Variants in XPO5 observed in about 807,000 individuals in gnomAD.
XPO5 encodes exportin 5, also known as exportin-5.
In XPO5, 46 loss-of-function variants were observed where a neutral mutation model predicts 160.6. The ratio of observed to expected loss-of-function variants is 0.29; its 90% CI spans 0.23 to 0.37. XPO5 has a LOEUF of 0.37. XPO5 is among the 10% of genes least tolerant of loss of function. XPO5 has a pLI of 1.00. For missense variants in XPO5, 1,090 were observed against 1,463.9 expected (o/e 0.74, Z 4.17); for synonymous variants, 537 against 519.3 (o/e 1.03, Z -0.46).
chr6:43,565,647 T>TAAAGATACTC lies in XPO5; in HGVS notation c.911+3_911+12dup, dbSNP rs1762660227. On this transcript the variant is annotated intron_variant, in intron 8 of 31. Coordinates refer to ENST00000265351, the MANE Select transcript of XPO5 (RefSeq NM_020750.3). Reference sequence around the variant, plus strand: ...AGAAATTAGAAAACACACTGAAAAGTAAAGATACTCACTGTGCGGCGGAGA... The same window carrying TAAAGATACTC: ...AGAAATTAGAAAACACACTGAAAAGTAAAGATACTCAAAGATACTCACTGTGCGGCGGAGA... 6.3e-7 allele frequency: 1 copy of TAAAGATACTC among 1,575,110 alleles called. No individual in the cohort carries two copies. The highest frequency in any genetic ancestry group is 1.4e-5 in the African/African-American group (1 of 72,902).
At chr6:43,536,521 A>C (rs990497962) in intron 20 of XPO5, among the ~76,000 whole-genome samples, 2 of 151,438 alleles carry the variant, frequency 1.3e-5, no homozygotes, top group Admixed American at 6.6e-5. Context: ...CACTTTAGGA[A>C]GCCGAGGTGG....
chr6:43,570,226 C>T (rs1319596387), intron 5 of XPO5, among the ~76,000 whole-genome samples: 2 of 145,614 alleles, frequency 1.4e-5, no homozygotes, highest in Admixed American at 7.1e-5. Flanking sequence ...GCAGGAGAAT[C>T]GCTTGAACCT....
chr6:43,551,648 C>T (rs1033766170), intron 14 of XPO5, among the ~76,000 whole-genome samples, 195 bp from the exon 15 acceptor site: 1 of 152,200 alleles, frequency 6.6e-6, no homozygotes, highest in African/African-American at 2.4e-5. Context: ...CCTTAGCCTC[C>T]TGAGTAGCTA....
At chr6:43,546,875 C>T (rs968690212) in intron 19 of XPO5, 123 bp from the exon 20 acceptor site, 2 of 978,664 alleles carry the variant, frequency 2.0e-6, no homozygotes, top group Non-Finnish European at 1.5e-6. Flanking sequence ...TGAAATAATC[C>T]TCTGCTCCCC....
At chr6:43,535,156 G>T (rs1322324992) in intron 20 of XPO5, among the ~76,000 whole-genome samples, 1 of 151,862 alleles carries the variant, frequency 6.6e-6, no homozygotes, top group Non-Finnish European at 1.5e-5. Flanking sequence ...GCCGGACGTG[G>T]TGGTGGGTGC....
chr6:43,524,755 G>T, intron 30 of XPO5, 76 bp downstream of exon 30: 1 of 1,592,656 alleles, frequency 6.3e-7, no homozygotes, highest in Non-Finnish European at 8.6e-7. Context: ...CTGAATTTAG[G>T]ATAAGGCCCA....
At chr6:43,556,028 T>C in intron 12 of XPO5, 64 bp from the exon 13 acceptor site, 3 of 1,584,574 alleles carry the variant, frequency 1.9e-6, no homozygotes, top group Non-Finnish European at 2.6e-6. Context: ...AAGTACTTAA[T>C]GTTTATTAAT....
chr6:43,568,421 A>G (rs1321749212), intron 6 of XPO5, among the ~76,000 whole-genome samples: 1 of 152,006 alleles, frequency 6.6e-6, no homozygotes, highest in East Asian at 1.9e-4. Flanking sequence ...ACACCGGCCT[A>G]GGCAACACAC....
intron 18 of XPO5, 66 bp from the exon 19 acceptor site, chr6:43,547,773 G>A (rs1440049124): frequency 7.2e-7 from 1 of 1,396,328 alleles, no homozygotes; most frequent in Non-Finnish European, 1.0e-6. Flanking sequence ...TCTTCCACAG[G>A]AGTTAACAGG....
At position 43,556,304 on chromosome 6, in the gene XPO5, G is replaced by A. The variant is rs191716040; in HGVS notation, c.1313-340C>T. Among the ~76,000 whole-genome samples the A allele has an allele frequency of 1.7e-3, 252 of 152,202 alleles. 5 individuals are homozygous for A. The highest frequency in any genetic ancestry group is 0.016 in the Admixed American group (241 of 15,268). ...TTTAGGAGGCCAAGGTGGGCAGACTGCTTGTGCCCAAGAGTTCAAAACCAG... is the reference window on the plus strand; with the variant it reads ...TTTAGGAGGCCAAGGTGGGCAGACTACTTGTGCCCAAGAGTTCAAAACCAG... On this transcript the variant is annotated intron_variant, in intron 12 of 31. Transcript: ENST00000265351.
At chr6:43,542,161 A>AT (rs533604523) in intron 20 of XPO5, among the ~76,000 whole-genome samples, 209 of 151,650 alleles carry the variant, frequency 1.4e-3, no homozygotes, top group African/African-American at 4.8e-3. Context: ...TTTAATTTTT[A>AT]TTTTTTTTCT....
chr6:43,529,287 A>T (rs1473019503), intron 23 of XPO5: 1 of 1,285,158 alleles, frequency 7.8e-7, no homozygotes, highest in Admixed American at 1.9e-5. Flanking sequence ...TCACACCTGT[A>T]ATCCCAGCAC....
At chr6:43,572,719 T>C in intron 2 of XPO5, 141 bp from the exon 3 acceptor site, 1 of 908,320 alleles carries the variant, frequency 1.1e-6, no homozygotes. Flanking sequence ...TGTCAATGAA[T>C]GGGCAAAAAT....
intron 20 of XPO5, among the ~76,000 whole-genome samples, chr6:43,545,734 C>A (rs984522409): frequency 1.3e-4 from 20 of 151,582 alleles, no homozygotes; most frequent in Non-Finnish European, 2.7e-4. Context: ...AAAAAAAAAA[C>A]CAATCCTGTG....
rs888724681 is a variant in XPO5 at position 43,575,696 on chromosome 6, G to A, written c.105+64C>T. The A allele has an allele frequency of 2.1e-6, 3 of 1,459,162 alleles. No individual in the cohort carries two copies. In the Admixed American group the frequency reaches 5.5e-5, roughly 27 times the overall value. The allele number at this position is 1,459,162 out of a possible 1,614,324, so 90.4% of individuals were successfully genotyped here. A position where few individuals can be genotyped will look rare whatever the true frequency, so the allele number is the denominator to read the frequency against. ...GGAGACTACCCCAGTTACAGGCGGC[G>A]CCGGAGCTGCTGGGGCTGGGAGAGG... On this transcript the variant is annotated intron_variant, in intron 1 of 31. Transcript: ENST00000265351.
intron 20 of XPO5, among the ~76,000 whole-genome samples, 155 bp from the exon 21 acceptor site, chr6:43,534,162 G>A (rs895731841): frequency 1.3e-5 from 2 of 152,154 alleles, no homozygotes; most frequent in Non-Finnish European, 2.9e-5. Flanking sequence ...CTGAATGCTC[G>A]CTGGAGGAGG....
intron 5 of XPO5, among the ~76,000 whole-genome samples, chr6:43,569,647 C>T (rs867405441): frequency 6.6e-6 from 1 of 151,386 alleles, no homozygotes; most frequent in Non-Finnish European, 1.5e-5. Context: ...GCAGGAGAAT[C>T]GCTTGAACCC....
In XPO5 at chr6:43,529,153, C is replaced by T. The variant is rs764384609; in HGVS notation, c.2678-228G>A. 6.5e-6 allele frequency: 9 copies of T among 1,385,316 alleles called. No individual in the cohort carries two copies. In the Admixed American group the frequency reaches 7.1e-5, roughly 11 times the overall value. The allele number at this position is 1,385,316 out of a possible 1,614,324, so 85.8% of individuals were successfully genotyped here. On this transcript the variant is annotated intron_variant, in intron 23 of 31. Transcript: ENST00000265351. ...TTAGCTGCATTTCCGTCAGGCTGCA[C>T]ATTATGGTCACTGGCCCAAAAAGTA... is the stretch of plus-strand genomic sequence containing the variant.
intron 15 of XPO5, among the ~76,000 whole-genome samples, chr6:43,550,746 C>T (rs1245564260): frequency 6.6e-6 from 1 of 152,170 alleles, no homozygotes; most frequent in African/African-American, 2.4e-5. Context: ...AATACTCATG[C>T]TTTCTCTTCT....
Sources: allele counts gnomAD v4.1 joint callset (sites outside exome capture counted in the v4.1 genomes callset), GRCh38; gene constraint gnomAD v4.1.1; transcripts MANE v1.5; gene names NCBI Gene and HGNC (gene_info 2026-07-23, HGNC 2026-07-21).